MZT2A: variants seen among roughly 807,000 people sequenced by gnomAD.
MZT2A encodes the protein mitotic spindle organizing protein 2A, also known as mitotic-spindle organizing protein 2A.
In MZT2A, 8 loss-of-function variants were observed where a neutral mutation model predicts 12.4. The ratio of observed to expected loss-of-function variants is 0.64; its 90% CI spans 0.38 to 1.16. The LOEUF is 1.16. Among genes scored for constraint, MZT2A ranks in the 50% most tolerant of loss-of-function variants. The pLI is 0.01. For missense variants in MZT2A, 181 were observed against 223.6 expected, an observed-to-expected ratio of 0.81 and a Z score of 1.22; for synonymous variants, 88 against 107.5, an observed-to-expected ratio of 0.82 and a Z score of 1.12.
intron 2 of MZT2A, chr2:131,491,002 C>T (rs1425628930): frequency 6.7e-7 from 1 of 1,483,060 alleles, no homozygotes; most frequent in Non-Finnish European, 9.2e-7. Context: ...GTGCCCAGGC[C>T]CTGGCACTTC....
At chr2:131,490,169 G>A (rs1679230677) in intron 2 of MZT2A, 2 of 708,316 alleles carry the variant, frequency 2.8e-6, no homozygotes, top group African/African-American at 3.9e-5. Flanking sequence ...ACAGGCCCCT[G>A]ATCACACCTG....
chr2:131,482,503 T>C (rs1678895064), downstream of MZT2A: 3 of 1,546,108 alleles, frequency 1.9e-6, no homozygotes, highest in African/African-American at 2.7e-5. Context: ...CTACCATTTC[T>C]AGGTTTGATA....
chr2:131,493,086 G>T (rs1226759606), upstream of MZT2A: 5 of 1,495,250 alleles, frequency 3.3e-6, no homozygotes, highest in Non-Finnish European at 4.5e-6. Flanking sequence ...GTTTTGGCGC[G>T]GTGGCGGAAT....
At chr2:131,484,595 AGCAGCAGCAGGGAC>A (rs1178788442) in intron 2 of MZT2A, among the ~76,000 whole-genome samples, 1 of 151,486 alleles carries the variant, frequency 6.6e-6, no homozygotes, top group Non-Finnish European at 1.5e-5. Flanking sequence ...CAGCGGCAGC[AGCAGCAGCAGGGAC>A]GCGCTGCCTC....
At chr2:131,480,505 C>T, downstream of MZT2A, 1 of 1,592,300 alleles carries the variant, frequency 6.3e-7, no homozygotes, top group Non-Finnish European at 8.5e-7. Flanking sequence ...CCCCTGGCCA[C>T]CTATGCCCCA....
intron 2 of MZT2A, chr2:131,486,605 C>CT (rs71275921): frequency 0.02 from 2,930 of 144,190 alleles, 52 homozygotes; most frequent in African/African-American, 0.046. Context: ...GCAAATAATG[C>CT]TTTTTTTTTT....
At chr2:131,483,351 A>C (rs575210881), downstream of MZT2A, among the ~76,000 whole-genome samples, 126 of 152,220 alleles carry the variant, frequency 8.3e-4, no homozygotes, top group African/African-American at 3.0e-3. Context: ...AGTTCTGCAC[A>C]GCATTCGTGA....
intron 2 of MZT2A, among the ~76,000 whole-genome samples, chr2:131,475,319 CTTTTTTTTT>C (rs551443616): frequency 0.014 from 1,355 of 94,564 alleles, 20 homozygotes; most frequent in African/African-American, 0.05. Flanking sequence ...TCCTTTCTTC[CTTTTTTTTT>C]TTTTTTTTTT....
chr2:131,474,641 C>A (rs1422830744), intron 2 of MZT2A, among the ~76,000 whole-genome samples: 1 of 150,846 alleles, frequency 6.6e-6, no homozygotes, highest in Admixed American at 6.6e-5. Context: ...AACTCCTGAC[C>A]TCAAGTGATC....
At chr2:131,490,069 C>T (rs1321464115) in intron 2 of MZT2A, 2 of 859,794 alleles carry the variant, frequency 2.3e-6, no homozygotes, top group East Asian at 1.3e-4. Context: ...CCCTCTCCAC[C>T]CTCTCTTGGG....
intron 2 of MZT2A, among the ~76,000 whole-genome samples, chr2:131,485,648 C>A (rs901938860): frequency 6.6e-6 from 1 of 152,152 alleles, no homozygotes; most frequent in Non-Finnish European, 1.5e-5. Context: ...GTGGGAACTC[C>A]CCTGCCATCA....
chr2:131,485,872 C>T (rs1413908722), intron 2 of MZT2A, among the ~76,000 whole-genome samples: 1 of 151,890 alleles, frequency 6.6e-6, no homozygotes, highest in African/African-American at 2.4e-5. Flanking sequence ...GTCTGAGATG[C>T]CGTGGACCCC....
At chr2:131,490,594 C>G in intron 2 of MZT2A, 1 of 1,542,256 alleles carries the variant, frequency 6.5e-7, no homozygotes, top group Non-Finnish European at 8.8e-7. Flanking sequence ...GGCAGGGCAG[C>G]GGTGGCCTGC....
intron 2 of MZT2A, among the ~76,000 whole-genome samples, chr2:131,485,218 C>T (rs1054999414): frequency 9.2e-5 from 14 of 152,164 alleles, no homozygotes; most frequent in African/African-American, 3.1e-4. Flanking sequence ...CCCATTTCAT[C>T]CCCCCAGCAT....
At chr2:131,484,871 G>A (rs143745770) in intron 2 of MZT2A, among the ~76,000 whole-genome samples, 3 of 152,170 alleles carry the variant, frequency 2.0e-5, no homozygotes, top group Non-Finnish European at 4.4e-5. Flanking sequence ...AACACCAGAG[G>A]CTCTCTCGGA....
chr2:131,491,479 C>G (rs549403482), intron 2 of MZT2A: 13 of 348,914 alleles, frequency 3.7e-5, no homozygotes, highest in Middle Eastern at 8.7e-4. Flanking sequence ...GTCACCCAGA[C>G]TGGTCTCAAA....
chr2:131,488,865 C>T (rs571480691), intron 2 of MZT2A, among the ~76,000 whole-genome samples: 3 of 152,146 alleles, frequency 2.0e-5, no homozygotes, highest in Non-Finnish European at 4.4e-5. Flanking sequence ...AGGGGCCCAG[C>T]ACTCCAGGCC....
At chr2:131,482,752 T>C (rs1295566047), downstream of MZT2A, 1 of 1,614,154 alleles carries the variant, frequency 6.2e-7, no homozygotes, top group Admixed American at 1.7e-5. Flanking sequence ...GAGAGTTCTC[T>C]GAGGCCCGCG....
chr2:131,472,680 A>G (rs2105263796), intron 2 of MZT2A, among the ~76,000 whole-genome samples: 1 of 152,334 alleles, frequency 6.6e-6, no homozygotes, highest in Middle Eastern at 3.4e-3. Context: ...GCAATATGCT[A>G]TACCATGTGG....
Sources: allele counts gnomAD v4.1 joint callset (sites outside exome capture counted in the v4.1 genomes callset), GRCh38; gene constraint gnomAD v4.1.1; transcripts MANE v1.5; gene names NCBI Gene and HGNC (gene_info 2026-07-23, HGNC 2026-07-21).